Variants in VAV2 observed in about 807,000 individuals in gnomAD.
The protein encoded by VAV2 is vav guanine nucleotide exchange factor 2.
VAV2 carries 67 observed loss-of-function variants against 132.5 expected under a neutral mutation model. That is an observed-to-expected ratio of 0.51 (90% CI 0.42 to 0.62). The LOEUF (loss-of-function observed/expected upper bound fraction) is 0.62. VAV2 is among the 20% of genes least tolerant of loss of function. The pLI, the probability that VAV2 is intolerant of heterozygous loss-of-function variation, is 0.00. For synonymous variants in VAV2, 492 were observed against 443.5 expected, an observed-to-expected ratio of 1.11 and a Z score of -1.37; for missense variants, 938 against 1,153.6, an observed-to-expected ratio of 0.81 and a Z score of 2.71.
chr9:133,847,563 G>C lies in VAV2; in HGVS notation c.381-13223C>G, dbSNP rs545570084. Reference sequence around the variant, plus strand: ...GAACGGGAAGAGCCCGGACACCCTGGGCCAGGGGCTCCATGCCTAGATGAA... The same window carrying C: ...GAACGGGAAGAGCCCGGACACCCTGCGCCAGGGGCTCCATGCCTAGATGAA... On this transcript the variant is annotated intron_variant, in intron 3 of 29. Coordinates refer to ENST00000371850, the MANE Select transcript of VAV2 (RefSeq NM_001134398.2). Among the ~76,000 whole-genome samples the C allele has an allele frequency of 2.6e-3, 390 of 152,218 alleles. 2 individuals carry two copies. Among genetic ancestry groups the C allele is most frequent in the African/African-American group, 9.1e-3 (379 of 41,532 alleles).
intron 29 of VAV2, among the ~76,000 whole-genome samples, chr9:133,766,746 T>TA (rs200721466): frequency 0.089 from 7,705 of 86,996 alleles, 281 homozygotes; most frequent in African/African-American, 0.11. Flanking sequence ...CCCTAGAACT[T>TA]AAAGTATAAA....
At chr9:133,859,387 GGGATAGGGC>G in intron 3 of VAV2, among the ~76,000 whole-genome samples, 1 of 152,190 alleles carries the variant, frequency 6.6e-6, no homozygotes, top group Non-Finnish European at 1.5e-5. Context: ...GGCAGGAGAG[GGGATAGGGC>G]TGTGGGCACC....
At chr9:133,937,251 T>TG (rs1404544337) in intron 2 of VAV2, among the ~76,000 whole-genome samples, 2 of 152,036 alleles carry the variant, frequency 1.3e-5, no homozygotes, top group African/African-American at 4.8e-5. Flanking sequence ...TGTCCATGGA[T>TG]GTCTGTGTGA....
chr9:133,796,396 GACCCCGCAGGC>G (rs1834714103), intron 11 of VAV2, 22 bp downstream of exon 11: 5 of 1,593,138 alleles, frequency 3.1e-6, no homozygotes, highest in Non-Finnish European at 4.3e-6. Context: ...CAGCAGTGAT[GACCCCGCAGGC>G]ACCCGGGGCC....
At chr9:133,941,426 A>AAG (rs397934890) in intron 1 of VAV2, among the ~76,000 whole-genome samples, 2 of 151,238 alleles carry the variant, frequency 1.3e-5, no homozygotes, top group Non-Finnish European at 3.0e-5. Flanking sequence ...GAAAAAAAAA[A>AAG]GGTGGCTACT....
chr9:133,897,136 C>T (rs1278645580), intron 2 of VAV2, among the ~76,000 whole-genome samples: 8 of 152,156 alleles, frequency 5.3e-5, no homozygotes, highest in Admixed American at 1.3e-4. Context: ...CTTGTGAGAA[C>T]GCAGCACTAG....
rs1214084288 is a variant in VAV2, at chr9:133,834,903, G to C, written c.381-563C>G. Among the ~76,000 whole-genome samples the C allele has an allele frequency of 6.6e-6, 1 of 152,266 alleles. No individual in the cohort carries two copies. The highest frequency in any genetic ancestry group is 1.9e-4 in the East Asian group (1 of 5,162). On this transcript the variant is annotated intron_variant, in intron 3 of 29. Coordinates refer to ENST00000371850, the MANE Select transcript of VAV2 (RefSeq NM_001134398.2). The surrounding 1 kb of genome is among the most constrained non-coding windows in gnomAD (Gnocchi z 5.9). ...AGAGTCCCGAAAATGAAAAGCCCTCGGACCTTCCGCCTGGATCCACAGCCT... is the reference window on the plus strand; with the variant it reads ...AGAGTCCCGAAAATGAAAAGCCCTCCGACCTTCCGCCTGGATCCACAGCCT...
chr9:133,803,170 G>A (rs920602634), intron 9 of VAV2, among the ~76,000 whole-genome samples: 1 of 152,066 alleles, frequency 6.6e-6, no homozygotes, highest in African/African-American at 2.4e-5. Flanking sequence ...CACCTGTCTC[G>A]GATCCTTCAT....
At chr9:133,931,416 C>T (rs1840683558) in intron 2 of VAV2, among the ~76,000 whole-genome samples, 1 of 152,008 alleles carries the variant, frequency 6.6e-6, no homozygotes, top group Non-Finnish European at 1.5e-5. Flanking sequence ...CCCCCTCCTG[C>T]AGGCAGGGAG....
chr9:133,778,285 C>A (rs1833885939), intron 22 of VAV2, among the ~76,000 whole-genome samples: 1 of 152,142 alleles, frequency 6.6e-6, no homozygotes, highest in South Asian at 2.1e-4. Flanking sequence ...ATCACGATGA[C>A]AACATCTGTG....
chr9:133,926,002 A>G lies in VAV2; in HGVS notation c.321+13101T>C. On this transcript the variant is annotated intron_variant, in intron 2 of 29. Transcript: ENST00000371850. This position sits in a 1 kb window ranked among gnomAD's most constrained non-coding sequence, Gnocchi z 4.3. ...CTTAATTAACTGTGGACATGGACCA[A>G]AAAAAAAAAAAAAAAAAAAAAAAAA... 1 of 5,382 alleles carries G rather than the reference A, an allele frequency of 1.9e-4. No individual in the cohort carries two copies. The highest frequency in any genetic ancestry group is 1.3e-3 in the Non-Finnish European group (1 of 776). The allele number at this position is 5,382 out of a possible 1,614,324, so 0.3% of individuals were successfully genotyped here. A position where few individuals can be genotyped will look rare whatever the true frequency, so the allele number is the denominator to read the frequency against.
intron 2 of VAV2, among the ~76,000 whole-genome samples, chr9:133,922,802 A>T (rs1205898646): frequency 2.0e-5 from 3 of 152,212 alleles, no homozygotes; most frequent in Admixed American, 2.0e-4. Flanking sequence ...GCAATCATTT[A>T]TTGATATAAC....
chr9:133,913,359 G>A (rs988941596), intron 2 of VAV2, among the ~76,000 whole-genome samples: 5 of 152,228 alleles, frequency 3.3e-5, no homozygotes, highest in Non-Finnish European at 7.3e-5. Flanking sequence ...CCAGCCACCT[G>A]GCAGTCAGCA....
At chr9:133,891,742 G>GTCT (rs1838973955) in intron 2 of VAV2, among the ~76,000 whole-genome samples, 1 of 59,732 alleles carries the variant, frequency 1.7e-5, no homozygotes, top group Non-Finnish European at 3.4e-5. Flanking sequence ...GAGGAGGCAT[G>GTCT]GAGGAGAGGC....
intron 3 of VAV2, among the ~76,000 whole-genome samples, chr9:133,858,142 C>G (rs1837454914): frequency 6.6e-6 from 1 of 152,234 alleles, no homozygotes; most frequent in Admixed American, 6.5e-5. Flanking sequence ...TAGTGTCTGC[C>G]AGATAGGCCC....
intron 2 of VAV2, chr9:133,925,913 C>T (rs1184546524): frequency 6.9e-6 from 1 of 145,768 alleles, no homozygotes; most frequent in African/African-American, 2.6e-5. Context: ...ATCAAATTGT[C>T]AGGCTCCAAC....
At chr9:133,895,284 G>A (rs1463482468) in intron 2 of VAV2, among the ~76,000 whole-genome samples, 1 of 151,818 alleles carries the variant, frequency 6.6e-6, no homozygotes, top group African/African-American at 2.4e-5. Context: ...GCTCCTGGGG[G>A]AGGCCTGGCG....
chr9:133,851,876 AATGGATGGATGC>A (rs1837191225), intron 3 of VAV2, among the ~76,000 whole-genome samples: 1 of 134,132 alleles, frequency 7.5e-6, no homozygotes, highest in Non-Finnish European at 1.6e-5. Context: ...TGGGTGAATA[AATGGATGGATGC>A]ATGGATGGAT....
intron 4 of VAV2, among the ~76,000 whole-genome samples, chr9:133,830,626 A>G (rs1836226718): frequency 6.6e-6 from 1 of 152,198 alleles, no homozygotes; most frequent in South Asian, 2.1e-4. Flanking sequence ...TCTTTCCTTT[A>G]CAATTCAAGC....
Sources: gnomAD v4.1 joint callset for allele counts (sites outside exome capture counted in the v4.1 genomes callset) on GRCh38, gnomAD v4.1.1 for gene constraint, Gnocchi (gnomAD v3.1) non-coding constraint, MANE v1.5 for transcripts, NCBI Gene and HGNC (gene_info 2026-07-23, HGNC 2026-07-21) for gene names.